ROBO1: variants seen among roughly 807,000 people sequenced by gnomAD.
The protein encoded by ROBO1 is roundabout guidance receptor 1.
In ROBO1, 149 loss-of-function variants were observed where a neutral mutation model predicts 195.9. The observed-to-expected ratio is 0.76, with a 90% confidence interval of 0.67 to 0.87. The LOEUF is 0.87. Ranked by LOEUF, ROBO1 falls within the 40% of genes least tolerant of loss-of-function variation. The pLI, the probability that ROBO1 is intolerant of heterozygous loss-of-function variation, is 0.00. For synonymous variants in ROBO1, 816 were observed against 733.2 expected (o/e 1.11, Z -1.82); for missense variants, 1,933 against 2,068.3 (o/e 0.93, Z 1.27).
At chr3:79,714,379 G>A (rs1262234459) in intron 1 of ROBO1, among the ~76,000 whole-genome samples, 5 of 152,096 alleles carry the variant, frequency 3.3e-5, no homozygotes, top group African/African-American at 1.2e-4. Context: ...GGAGAAATAG[G>A]AACACTTTTA....
At chr3:78,647,913 G>T (rs1264563688) in intron 19 of ROBO1, among the ~76,000 whole-genome samples, 1 of 152,044 alleles carries the variant, frequency 6.6e-6, no homozygotes, top group Non-Finnish European at 1.5e-5. Context: ...GCCTGTGAAT[G>T]ACCCTGCATT....
intron 2 of ROBO1, among the ~76,000 whole-genome samples, chr3:79,564,792 A>G (rs1943040114): frequency 6.6e-6 from 1 of 152,062 alleles, no homozygotes; most frequent in African/African-American, 2.4e-5. Context: ...TAAATGCTTC[A>G]TGCTTTAGAA....
intron 4 of ROBO1, among the ~76,000 whole-genome samples, chr3:78,889,857 C>G (rs2036787407): frequency 6.6e-6 from 1 of 151,954 alleles, no homozygotes; most frequent in Admixed American, 6.6e-5. Flanking sequence ...AAAAATACAA[C>G]TTTCCAAATT....
At chr3:78,798,119 G>A (rs2084241004) in intron 4 of ROBO1, among the ~76,000 whole-genome samples, 1 of 152,156 alleles carries the variant, frequency 6.6e-6, no homozygotes, top group African/African-American at 2.4e-5. Context: ...ATGGGTACAG[G>A]TGAAACTATT....
chr3:79,503,886 G>A (rs1940251242), intron 2 of ROBO1, among the ~76,000 whole-genome samples: 2 of 152,106 alleles, frequency 1.3e-5, no homozygotes, highest in African/African-American at 2.4e-5. Context: ...CAAAATGGCC[G>A]TCTTATGGTT....
chr3:79,596,614 A>G (rs1296925920), intron 1 of ROBO1, among the ~76,000 whole-genome samples: 7 of 152,102 alleles, frequency 4.6e-5, no homozygotes, highest in African/African-American at 1.7e-4. Context: ...ATTATTAGGA[A>G]AATAAGTCAT....
intron 2 of ROBO1, among the ~76,000 whole-genome samples, chr3:79,350,234 A>T (rs1393910907): frequency 6.6e-6 from 1 of 152,206 alleles, no homozygotes; most frequent in Admixed American, 6.5e-5. Flanking sequence ...TGCAAAGCAA[A>T]ACTACAATAA....
chr3:78,696,739 T>C (rs1443433177), intron 8 of ROBO1, among the ~76,000 whole-genome samples: 1 of 147,742 alleles, frequency 6.8e-6, no homozygotes, highest in Non-Finnish European at 1.5e-5. Flanking sequence ...TATATATACA[T>C]ATATATATAC....
chr3:79,583,795 A>ATT (rs1396942844), intron 2 of ROBO1, among the ~76,000 whole-genome samples: 1 of 151,992 alleles, frequency 6.6e-6, no homozygotes, highest in Non-Finnish European at 1.5e-5. Context: ...TATGCAAGTA[A>ATT]TTTTAACAAC....
At chr3:78,603,214 C>T (rs1703277295) in intron 29 of ROBO1, among the ~76,000 whole-genome samples, 2 of 152,158 alleles carry the variant, frequency 1.3e-5, no homozygotes, top group Admixed American at 6.6e-5. Context: ...ACCTCAAGAG[C>T]TTCATCTTTG....
chr3:78,901,741 C>A (rs2037602571), intron 4 of ROBO1, among the ~76,000 whole-genome samples: 1 of 152,248 alleles, frequency 6.6e-6, no homozygotes, highest in East Asian at 1.9e-4. Flanking sequence ...CACATTAGCT[C>A]TCTTTTCTTG....
At chr3:79,398,436 G>A (rs192906782) in intron 2 of ROBO1, among the ~76,000 whole-genome samples, 1 of 152,238 alleles carries the variant, frequency 6.6e-6, no homozygotes, top group East Asian at 1.9e-4. Context: ...GATGGAGGCT[G>A]ATACTGATAT....
At chr3:78,975,369 A>G in intron 3 of ROBO1, among the ~76,000 whole-genome samples, 1 of 152,296 alleles carries the variant, frequency 6.6e-6, no homozygotes, top group East Asian at 1.9e-4. Context: ...TAACTTTGGT[A>G]ACAATTTTAT....
intron 1 of ROBO1, among the ~76,000 whole-genome samples, chr3:79,730,913 G>A (rs1703122107): frequency 6.6e-6 from 1 of 151,678 alleles, no homozygotes; most frequent in Non-Finnish European, 1.5e-5. Flanking sequence ...AAGTAGCTGG[G>A]ACTACAGGTG....
Position 78,811,697 on chromosome 3 carries a change from T to C in ROBO1, c.500-64797A>G, listed in dbSNP as rs149187542. Among the ~76,000 whole-genome samples the C allele has an allele frequency of 3.3e-5, 5 of 152,290 alleles. No individual in the cohort carries two copies. In the East Asian group the frequency reaches 9.7e-4, roughly 29 times the overall value. On this transcript the variant is annotated intron_variant, in intron 4 of 30. Coordinates refer to ENST00000464233, the MANE Select transcript of ROBO1 (RefSeq NM_002941.4). ...AATCTCAGTTCCCTAAACTAGTCGC[T>C]ATTCCTCTAGCCACTAATTTGGAAC...
At chr3:79,200,268 A>G (rs1201759081) in intron 2 of ROBO1, among the ~76,000 whole-genome samples, 1 of 151,830 alleles carries the variant, frequency 6.6e-6, no homozygotes, top group Non-Finnish European at 1.5e-5. Context: ...AATTCACACA[A>G]TGTAATTCTG....
At position 78,696,576 on chromosome 3, in the gene ROBO1, A is replaced by G. The variant is rs532866703; in HGVS notation, c.1046-7804T>C. ...ACAAAATACATTTGATTTTACATTT[A>G]AACTGCCACAAATAGTTGTTTAACC... On this transcript the variant is annotated intron_variant, in intron 8 of 30. Coordinates refer to ENST00000464233, the MANE Select transcript of ROBO1 (RefSeq NM_002941.4). 2.6e-5 allele frequency among the ~76,000 whole-genome samples: 4 copies of G among 151,514 alleles called. No homozygotes were observed. The South Asian group carries it at 8.3e-4, about 31-fold the overall frequency.
chr3:79,704,662 T>G (rs928089297), intron 1 of ROBO1, among the ~76,000 whole-genome samples: 2 of 152,076 alleles, frequency 1.3e-5, no homozygotes, highest in African/African-American at 4.8e-5. Context: ...TGCAGAATTT[T>G]GCATGAAAAT....
chr3:79,579,126 A>G (rs1943582033), intron 2 of ROBO1, among the ~76,000 whole-genome samples: 1 of 152,168 alleles, frequency 6.6e-6, no homozygotes. Flanking sequence ...TGTGACTGGC[A>G]TTGACTGTGA....
Sources: allele counts gnomAD v4.1 joint callset (sites outside exome capture counted in the v4.1 genomes callset), GRCh38; gene constraint gnomAD v4.1.1; transcripts MANE v1.5; gene names NCBI Gene and HGNC (gene_info 2026-07-23, HGNC 2026-07-21).